TMPRSS11A: variants seen among roughly 807,000 people sequenced by gnomAD.
TMPRSS11A encodes transmembrane protease serine 11A.
Under a neutral mutation model 58.9 loss-of-function variants are expected in TMPRSS11A, and 53 were observed. That is an observed-to-expected ratio of 0.90 (90% CI 0.72 to 1.13). The LOEUF is 1.13. Among genes scored for constraint, TMPRSS11A ranks in the 50% most tolerant of loss-of-function variants. TMPRSS11A has a pLI of 0.00. For synonymous variants in TMPRSS11A, 167 were observed against 169.8 expected, an observed-to-expected ratio of 0.98 and a Z score of 0.13; for missense variants, 493 against 499.3, an observed-to-expected ratio of 0.99 and a Z score of 0.12.
At chr4:67,921,896 G>A (rs1006695208) in intron 7 of TMPRSS11A, among the ~76,000 whole-genome samples, 7 of 152,004 alleles carry the variant, frequency 4.6e-5, no homozygotes, top group Non-Finnish European at 1.0e-4. Context: ...GAAGAAGAAA[G>A]GCGATACAGT....
chr4:67,937,896 A>T (rs77088854), intron 3 of TMPRSS11A, among the ~76,000 whole-genome samples: 1,776 of 152,184 alleles, frequency 0.012, 31 homozygotes, highest in African/African-American at 0.04. Context: ...CTGGGAAAAA[A>T]GTTTATACTC....
chr4:67,914,498 T>C, intron 9 of TMPRSS11A, 90 bp downstream of exon 9: 1 of 1,206,638 alleles, frequency 8.3e-7, no homozygotes, highest in South Asian at 1.4e-5. Flanking sequence ...ATGATATCTA[T>C]GTTTTGTCCT....
intron 1 of TMPRSS11A, among the ~76,000 whole-genome samples, chr4:67,950,947 G>A (rs1042036645): frequency 3.3e-5 from 5 of 152,242 alleles, no homozygotes; most frequent in African/African-American, 1.2e-4. Flanking sequence ...CCCTGGTGAG[G>A]TGGAAGAGCC....
chr4:67,927,149 A>G (rs1720493945), intron 5 of TMPRSS11A, among the ~76,000 whole-genome samples: 1 of 152,178 alleles, frequency 6.6e-6, no homozygotes, highest in African/African-American at 2.4e-5. Flanking sequence ...TCTCAGGACA[A>G]GAACTCAGGA....
intron 3 of TMPRSS11A, among the ~76,000 whole-genome samples, chr4:67,932,374 A>G (rs781670453): frequency 3.3e-5 from 5 of 152,164 alleles, no homozygotes; most frequent in Admixed American, 1.3e-4. Context: ...ATATCTTGCT[A>G]AAACACCATA....
At chr4:67,913,737 T>C (rs1304058595) in intron 9 of TMPRSS11A, among the ~76,000 whole-genome samples, 1 of 152,214 alleles carries the variant, frequency 6.6e-6, no homozygotes, top group Non-Finnish European at 1.5e-5. Context: ...GCCCAGCCTC[T>C]ATGTCACATA....
intron 8 of TMPRSS11A, 39 bp from the exon 9 acceptor site, chr4:67,914,769 G>T (rs778538180): frequency 6.4e-6 from 10 of 1,571,170 alleles, no homozygotes; most frequent in Non-Finnish European, 7.8e-6. Context: ...TTTACAATCA[G>T]CATCTTTGGC....
chr4:67,951,962 T>G (rs1577871371), intron 1 of TMPRSS11A, among the ~76,000 whole-genome samples: 1 of 152,348 alleles, frequency 6.6e-6, no homozygotes, highest in Non-Finnish European at 1.5e-5. Context: ...GGGACTGAAC[T>G]TAGTCATTTT....
chr4:67,914,823 A>G (rs1720105280), intron 8 of TMPRSS11A, 93 bp from the exon 9 acceptor site: 1 of 1,113,416 alleles, frequency 9.0e-7, no homozygotes, highest in African/African-American at 1.6e-5. Context: ...TTTCATGGTA[A>G]AATTGTCAAT....
intron 1 of TMPRSS11A, among the ~76,000 whole-genome samples, chr4:67,949,038 A>G (rs1232724428): frequency 6.6e-6 from 1 of 152,024 alleles, no homozygotes; most frequent in Non-Finnish European, 1.5e-5. Context: ...TCAACTCTTC[A>G]TTTTCTCATA....
chr4:67,944,711 A>G (rs1720961377), intron 2 of TMPRSS11A, 74 bp from the exon 3 acceptor site: 4 of 1,273,244 alleles, frequency 3.1e-6, no homozygotes, highest in Admixed American at 2.2e-5. Context: ...AATGGGGCCA[A>G]TATAAATCTT....
intron 4 of TMPRSS11A, among the ~76,000 whole-genome samples, chr4:67,930,703 C>A (rs775887626): frequency 6.1e-5 from 9 of 147,718 alleles, no homozygotes; most frequent in Non-Finnish European, 1.3e-4. Flanking sequence ...ACCTGAGGAA[C>A]TAAACTTTTA....
At chr4:67,920,527 T>TTATATATATATATATATATATATA (rs1180319358) in intron 7 of TMPRSS11A, among the ~76,000 whole-genome samples, 8 of 132,716 alleles carry the variant, frequency 6.0e-5, no homozygotes, top group African/African-American at 1.7e-4. Context: ...AATGAGGTAA[T>TTATATATATATATATATATATATA]TATATATATA....
chr4:67,957,506 G>A (rs1261897987), intron 1 of TMPRSS11A, among the ~76,000 whole-genome samples: 1 of 152,108 alleles, frequency 6.6e-6, no homozygotes, highest in Non-Finnish European at 1.5e-5. Flanking sequence ...GAGATTTGTG[G>A]AACTTTGAAC....
At chr4:67,925,574 C>T (rs758717636) in intron 5 of TMPRSS11A, among the ~76,000 whole-genome samples, 13 of 152,058 alleles carry the variant, frequency 8.5e-5, no homozygotes, top group Admixed American at 2.0e-4. Context: ...TCAAATATAC[C>T]CTTAAAGGCA....
intron 1 of TMPRSS11A, among the ~76,000 whole-genome samples, chr4:67,955,527 C>G (rs1375058300): frequency 6.6e-6 from 1 of 152,154 alleles, no homozygotes; most frequent in South Asian, 2.1e-4. Flanking sequence ...GTGTCAGGGT[C>G]CTGTACAACA....
intron 1 of TMPRSS11A, among the ~76,000 whole-genome samples, chr4:67,952,142 A>G (rs916061602): frequency 6.6e-6 from 1 of 152,196 alleles, no homozygotes; most frequent in Non-Finnish European, 1.5e-5. Flanking sequence ...ATATTTTCCC[A>G]TTTTATTCTC....
intron 1 of TMPRSS11A, among the ~76,000 whole-genome samples, chr4:67,957,861 G>C (rs1359024707): frequency 1.3e-5 from 2 of 152,136 alleles, no homozygotes; most frequent in African/African-American, 4.8e-5. Context: ...CAGGTCCAGG[G>C]TCCCTCTGCT....
chr4:67,945,248 C>T (rs1720973152), intron 2 of TMPRSS11A, among the ~76,000 whole-genome samples: 1 of 152,000 alleles, frequency 6.6e-6, no homozygotes, highest in Non-Finnish European at 1.5e-5. Context: ...AGTTGAGACT[C>T]CTAAGGAATT....
Sources: allele counts gnomAD v4.1 joint callset (sites outside exome capture counted in the v4.1 genomes callset), GRCh38; gene constraint gnomAD v4.1.1; transcripts MANE v1.5; gene names NCBI Gene and HGNC (gene_info 2026-07-23, HGNC 2026-07-21).